Variants in MORC1 observed in about 807,000 individuals in gnomAD.
The protein encoded by MORC1 is MORC family CW-type zinc finger 1, also known as MORC family CW-type zinc finger protein 1.
MORC1 carries 59 observed loss-of-function variants against 134.9 expected under a neutral mutation model. That is an observed-to-expected ratio of 0.44 (90% CI 0.35 to 0.54). The LOEUF is 0.54. MORC1 is among the 20% of genes least tolerant of loss of function. The pLI is 0.00. For synonymous variants in MORC1, 395 were observed against 391.7 expected, an observed-to-expected ratio of 1.01 and a Z score of -0.10; for missense variants, 947 against 1,134.5, an observed-to-expected ratio of 0.83 and a Z score of 2.37.
chr3:109,036,976 T>C (rs1006720260), intron 14 of MORC1, among the ~76,000 whole-genome samples: 4 of 152,222 alleles, frequency 2.6e-5, no homozygotes, highest in African/African-American at 9.6e-5. Flanking sequence ...GAAATGCCTC[T>C]AAAATTTCTA....
rs758925531 is a variant in MORC1, at chr3:109,069,807, A to G, written c.690-50T>C. On this transcript the variant is annotated intron_variant, in intron 8 of 27. Coordinates refer to ENST00000232603, the MANE Select transcript of MORC1 (RefSeq NM_014429.4). ...ACAATACAGAGGACACAACAACTAC[A>G]TCTCTTTGAGAAGAAATAACATCAG... is the stretch of plus-strand genomic sequence containing the variant. 8 of 1,530,702 alleles carry G rather than the reference A, an allele frequency of 5.2e-6. No homozygotes were observed. The South Asian group carries it at 1.0e-4, about 19-fold the overall frequency. The allele number at this position is 1,530,702 out of a possible 1,614,324, so 94.8% of individuals were successfully genotyped here.
intron 8 of MORC1, among the ~76,000 whole-genome samples, chr3:109,091,622 T>C (rs138626215): frequency 2.6e-5 from 4 of 152,226 alleles, no homozygotes; most frequent in Non-Finnish European, 5.9e-5. Flanking sequence ...GAGGTGGTGA[T>C]ACTATCCCTT....
intron 17 of MORC1, among the ~76,000 whole-genome samples, chr3:109,007,710 T>G (rs1240450116): frequency 6.6e-6 from 1 of 152,214 alleles, no homozygotes; most frequent in Non-Finnish European, 1.5e-5. Context: ...AAGGGAGAAC[T>G]AATTGCTTTA....
intron 14 of MORC1, among the ~76,000 whole-genome samples, chr3:109,051,911 C>A (rs1949840309): frequency 1.3e-5 from 2 of 151,950 alleles, no homozygotes; most frequent in African/African-American, 4.8e-5. Flanking sequence ...GCTCCACCCA[C>A]AAAGAGGACT....
At chr3:109,050,337 C>T (rs191218235) in intron 14 of MORC1, among the ~76,000 whole-genome samples, 108 of 152,264 alleles carry the variant, frequency 7.1e-4, no homozygotes, top group African/African-American at 2.4e-3. Context: ...CTGGGAAGTC[C>T]GAGTTCAAGG....
intron 3 of MORC1, among the ~76,000 whole-genome samples, 184 bp from the exon 4 acceptor site, chr3:109,104,101 T>A (rs1950978540): frequency 6.6e-6 from 1 of 151,952 alleles, no homozygotes; most frequent in East Asian, 1.9e-4. Flanking sequence ...AGGGGAAAAA[T>A]AATCATGCAA....
chr3:109,050,103 CCT>C (rs1949786485), intron 14 of MORC1, among the ~76,000 whole-genome samples: 1 of 152,156 alleles, frequency 6.6e-6, no homozygotes, highest in East Asian at 1.9e-4. Flanking sequence ...CCCTCCCCAA[CCT>C]TTAGGAATAT....
chr3:108,973,181 A>G (rs761200516), intron 24 of MORC1, among the ~76,000 whole-genome samples: 1 of 152,234 alleles, frequency 6.6e-6, no homozygotes, highest in Non-Finnish European at 1.5e-5. Flanking sequence ...GACATTCTTT[A>G]AACCTCTACT....
At chr3:108,965,365 C>T (rs1299453221) in intron 26 of MORC1, among the ~76,000 whole-genome samples, 1 of 152,068 alleles carries the variant, frequency 6.6e-6, no homozygotes, top group Non-Finnish European at 1.5e-5. Context: ...TAAATGGACC[C>T]GAAGTGACGC....
intron 14 of MORC1, among the ~76,000 whole-genome samples, chr3:109,047,175 T>G (rs1426020427): frequency 6.6e-6 from 1 of 152,174 alleles, no homozygotes; most frequent in East Asian, 1.9e-4. Context: ...TTACCTACAG[T>G]CCTCATATTG....
At chr3:109,011,318 G>A (rs888911485) in intron 17 of MORC1, among the ~76,000 whole-genome samples, 1 of 152,174 alleles carries the variant, frequency 6.6e-6, no homozygotes, top group Non-Finnish European at 1.5e-5. Flanking sequence ...GGTCAACATA[G>A]CGTAATCATT....
chr3:109,069,535 A>T, intron 9 of MORC1, 97 bp downstream of exon 9: 1 of 1,189,762 alleles, frequency 8.4e-7, no homozygotes, highest in Non-Finnish European at 1.1e-6. Context: ...TAAAAATCTT[A>T]CTATCAAAGT....
chr3:108,961,416 C>T (rs993292514), intron 27 of MORC1, among the ~76,000 whole-genome samples: 1 of 152,182 alleles, frequency 6.6e-6, no homozygotes, highest in East Asian at 1.9e-4. Context: ...ACTTCTCGTC[C>T]TGTTAGATAT....
intron 23 of MORC1, 80 bp downstream of exon 23, chr3:108,984,636 C>T: frequency 1.8e-6 from 2 of 1,086,460 alleles, no homozygotes; most frequent in African/African-American, 1.6e-5. Context: ...TTCCTTTCTT[C>T]TTGTATTTAA....
At chr3:108,963,683 A>G (rs1947143110) in intron 26 of MORC1, 75 bp from the exon 27 acceptor site, 2 of 1,004,764 alleles carry the variant, frequency 2.0e-6, no homozygotes, top group South Asian at 1.7e-5. Flanking sequence ...AGACAATTTC[A>G]TATTCCAACT....
At chr3:109,101,373 G>A (rs919642790) in intron 4 of MORC1, 3 of 152,132 alleles carry the variant, frequency 2.0e-5, no homozygotes, top group Non-Finnish European at 4.4e-5. Flanking sequence ...TCATTCTCCC[G>A]ACCTCTCCAG....
At chr3:109,048,268 T>A (rs1339638513) in intron 14 of MORC1, among the ~76,000 whole-genome samples, 20 of 152,172 alleles carry the variant, frequency 1.3e-4, no homozygotes, top group Admixed American at 1.3e-3. Flanking sequence ...AACAACAGAC[T>A]GGATATTTTA....
chr3:108,972,569 T>C (rs1452817394), intron 24 of MORC1, among the ~76,000 whole-genome samples: 1 of 152,018 alleles, frequency 6.6e-6, no homozygotes, highest in Non-Finnish European at 1.5e-5. Context: ...AGAAGATAAA[T>C]GGGGTAGGAA....
At chr3:108,975,002 C>G (rs1196898025) in intron 24 of MORC1, among the ~76,000 whole-genome samples, 2 of 152,178 alleles carry the variant, frequency 1.3e-5, no homozygotes, top group African/African-American at 4.8e-5. Flanking sequence ...AGCTAAGGGC[C>G]ATTTCCATTT....
Sources: allele counts gnomAD v4.1 joint callset (sites outside exome capture counted in the v4.1 genomes callset), GRCh38; gene constraint gnomAD v4.1.1; transcripts MANE v1.5; gene names NCBI Gene and HGNC (gene_info 2026-07-23, HGNC 2026-07-21).